RYR2: variants seen among roughly 807,000 people sequenced by gnomAD.
RYR2 encodes ryanodine receptor 2, also known as cardiac muscle ryanodine receptor-calcium release channel.
In RYR2, 227 loss-of-function variants were observed where a neutral mutation model predicts 601.1. That is an observed-to-expected ratio of 0.38 (90% confidence interval 0.34 to 0.42). The LOEUF is 0.42. RYR2 is among the 10% of genes least tolerant of loss of function. The probability of loss-of-function intolerance (pLI) is 1.00; values close to 1 mark genes in which losing one functional copy is unlikely to be tolerated. For missense variants in RYR2, 4,646 were observed against 6,156.5 expected, an observed-to-expected ratio of 0.75 and a Z score of 8.21; for synonymous variants, 2,223 against 2,175.1, an observed-to-expected ratio of 1.02 and a Z score of -0.61.
chr1:237,619,993 G>A (rs997610174), intron 38 of RYR2, among the ~76,000 whole-genome samples: 1 of 152,058 alleles, frequency 6.6e-6, no homozygotes, highest in Non-Finnish European at 1.5e-5. Flanking sequence ...AAAAATGAAG[G>A]AAATTTGGAA....
chr1:237,339,595 T>G (rs1469705691), intron 3 of RYR2, among the ~76,000 whole-genome samples: 1 of 152,148 alleles, frequency 6.6e-6, no homozygotes, highest in East Asian at 1.9e-4. Context: ...CTTGTCATCT[T>G]TTACCACCTA....
intron 10 of RYR2, among the ~76,000 whole-genome samples, chr1:237,393,764 G>A (rs184101828): frequency 1.1e-4 from 16 of 152,254 alleles, no homozygotes; most frequent in South Asian, 4.1e-4. Context: ...GGAGAGATTC[G>A]CTTTTTACCC....
intron 1 of RYR2, among the ~76,000 whole-genome samples, chr1:237,114,201 G>A (rs1245576392): frequency 1.3e-5 from 2 of 152,086 alleles, no homozygotes; most frequent in Non-Finnish European, 2.9e-5. Context: ...AAAGAACCAG[G>A]GATTCCCAAG....
chr1:237,359,920 G>C (rs531909512), intron 4 of RYR2, among the ~76,000 whole-genome samples: 1 of 152,216 alleles, frequency 6.6e-6, no homozygotes, highest in African/African-American at 2.4e-5. Flanking sequence ...TCATGAGTGG[G>C]GTGAAGAAAG....
chr1:237,723,848 A>G (rs1689959205), intron 74 of RYR2, among the ~76,000 whole-genome samples: 1 of 152,134 alleles, frequency 6.6e-6, no homozygotes, highest in Non-Finnish European at 1.5e-5. Flanking sequence ...TACACTACAA[A>G]GCTCAGTTTG....
intron 1 of RYR2, among the ~76,000 whole-genome samples, chr1:237,265,119 G>A (rs1688922500): frequency 6.6e-6 from 1 of 152,100 alleles, no homozygotes; most frequent in Admixed American, 6.5e-5. Context: ...TAGCCTGGTG[G>A]GTCCAATCTC....
At chr1:237,133,622 G>T (rs1203369267) in intron 1 of RYR2, among the ~76,000 whole-genome samples, 1 of 152,164 alleles carries the variant, frequency 6.6e-6, no homozygotes, top group Non-Finnish European at 1.5e-5. Context: ...CCAGTTGTTT[G>T]TCAGGAGTAG....
chr1:237,778,409 A>AG (rs57135410), intron 87 of RYR2, among the ~76,000 whole-genome samples: 2 of 151,544 alleles, frequency 1.3e-5, no homozygotes, highest in Admixed American at 1.3e-4. Context: ...AAAAAAAAAA[A>AG]TGATTCACAG....
At chr1:237,541,588 C>A (rs1004298319) in intron 25 of RYR2, among the ~76,000 whole-genome samples, 1 of 152,008 alleles carries the variant, frequency 6.6e-6, no homozygotes, top group Non-Finnish European at 1.5e-5. Flanking sequence ...CATGCGCGTC[C>A]GTGTGAAGAG....
At chr1:237,665,269 C>T (rs529862579) in intron 56 of RYR2, among the ~76,000 whole-genome samples, 11 of 151,788 alleles carry the variant, frequency 7.2e-5, no homozygotes, top group African/African-American at 2.4e-4. Context: ...GACAGAGATG[C>T]GTGCCTGTAA....
At chr1:237,113,447 T>G (rs946814656) in intron 1 of RYR2, among the ~76,000 whole-genome samples, 36 of 152,088 alleles carry the variant, frequency 2.4e-4, no homozygotes, top group African/African-American at 7.7e-4. Flanking sequence ...ATGATCCACC[T>G]GCCTCAGCCT....
intron 1 of RYR2, among the ~76,000 whole-genome samples, chr1:237,254,678 T>C (rs1242640668): frequency 1.3e-5 from 2 of 152,190 alleles, no homozygotes; most frequent in African/African-American, 4.8e-5. Context: ...GTGTACTCTA[T>C]ACATATATTT....
chr1:237,335,569 C>T (rs1053474622), intron 3 of RYR2, among the ~76,000 whole-genome samples: 7 of 152,084 alleles, frequency 4.6e-5, no homozygotes, highest in South Asian at 2.1e-4. Flanking sequence ...TTAAAATACA[C>T]GTTGAGTGTC....
At chr1:237,189,330 CT>C (rs915220729) in intron 1 of RYR2, among the ~76,000 whole-genome samples, 2 of 152,178 alleles carry the variant, frequency 1.3e-5, no homozygotes, top group Non-Finnish European at 2.9e-5. Context: ...CTGCTTCCAC[CT>C]TTTAGCTATT....
chr1:237,042,816 G>A (rs1001714487), intron 1 of RYR2, among the ~76,000 whole-genome samples: 1 of 152,144 alleles, frequency 6.6e-6, no homozygotes, highest in African/African-American at 2.4e-5. Context: ...GCTAGCCGGC[G>A]GCAGGCGCCC....
intron 84 of RYR2, among the ~76,000 whole-genome samples, chr1:237,768,459 C>G (rs963122685): frequency 6.6e-6 from 1 of 152,122 alleles, no homozygotes; most frequent in African/African-American, 2.4e-5. Flanking sequence ...AATACCTCTC[C>G]CTTTATTACA....
At chr1:237,826,581 C>T (rs1489282050) in intron 101 of RYR2, among the ~76,000 whole-genome samples, 4 of 152,128 alleles carry the variant, frequency 2.6e-5, no homozygotes, top group South Asian at 4.1e-4. Flanking sequence ...CACCATAGCA[C>T]GTGTATACCT....
At chr1:237,547,062 G>A (rs2148076006) in intron 25 of RYR2, among the ~76,000 whole-genome samples, 1 of 150,176 alleles carries the variant, frequency 6.7e-6, no homozygotes, top group East Asian at 2.0e-4. Context: ...CTGGAGAGCA[G>A]TGGCGTGATC....
intron 56 of RYR2, among the ~76,000 whole-genome samples, chr1:237,665,185 G>C (rs536141079): frequency 6.6e-6 from 1 of 152,078 alleles, no homozygotes; most frequent in Non-Finnish European, 1.5e-5. Flanking sequence ...TGGATCACAA[G>C]GTCAGGAGTT....
Sources: gnomAD v4.1 joint callset for allele counts (sites outside exome capture counted in the v4.1 genomes callset) on GRCh38, gnomAD v4.1.1 for gene constraint, MANE v1.5 for transcripts, NCBI Gene and HGNC (gene_info 2026-07-23, HGNC 2026-07-21) for gene names.